NELL2: variants seen among roughly 807,000 people sequenced by gnomAD.
NELL2 encodes neural EGFL like 2, also known as protein kinase C-binding protein NELL2.
In NELL2, 41 loss-of-function variants were observed where a neutral mutation model predicts 109.6. That is an observed-to-expected ratio of 0.37 (90% confidence interval 0.29 to 0.49). The LOEUF (loss-of-function observed/expected upper bound fraction) is 0.49, where lower values mean the gene tolerates loss of function less well. Ranked by LOEUF, NELL2 falls within the 20% of genes least tolerant of loss-of-function variation. NELL2 has a pLI of 0.98. For missense variants in NELL2, 900 were observed against 1,008.3 expected (o/e 0.89, Z 1.45); for synonymous variants, 355 against 344.7 (o/e 1.03, Z -0.33).
At chr12:44,513,102 A>G (rs1346578665) in intron 19 of NELL2, among the ~76,000 whole-genome samples, 4 of 152,008 alleles carry the variant, frequency 2.6e-5, no homozygotes, top group Non-Finnish European at 1.5e-5. Flanking sequence ...TCAACCAAAC[A>G]TAAAAGGAAA....
chr12:44,787,803 T>C (rs1274461217), intron 3 of NELL2, among the ~76,000 whole-genome samples: 1 of 152,066 alleles, frequency 6.6e-6, no homozygotes, highest in African/African-American at 2.4e-5. Flanking sequence ...CATGCAAAAA[T>C]TATCTCAACA....
At chr12:44,824,336 T>G (rs1368740510) in intron 2 of NELL2, among the ~76,000 whole-genome samples, 1 of 152,246 alleles carries the variant, frequency 6.6e-6, no homozygotes, top group Non-Finnish European at 1.5e-5. Context: ...CAAAAATGTA[T>G]GGCCTAGACC....
chr12:44,749,753 A>C (rs943232835), intron 9 of NELL2, among the ~76,000 whole-genome samples: 1 of 152,166 alleles, frequency 6.6e-6, no homozygotes, highest in African/African-American at 2.4e-5. Flanking sequence ...GTGACATGAG[A>C]AGAGAAGAGG....
intron 15 of NELL2, among the ~76,000 whole-genome samples, chr12:44,553,898 T>C (rs931684071): frequency 3.3e-5 from 5 of 152,110 alleles, no homozygotes; most frequent in Non-Finnish European, 7.4e-5. Flanking sequence ...CACGCACACA[T>C]CTGTGCATTT....
chr12:44,513,441 T>C (rs1655232948), intron 19 of NELL2, among the ~76,000 whole-genome samples: 1 of 151,804 alleles, frequency 6.6e-6, no homozygotes, highest in African/African-American at 2.4e-5. Flanking sequence ...AAGCAGTGAA[T>C]GGAAAATGAC....
chr12:44,704,132 T>C (rs1937721215), intron 11 of NELL2, among the ~76,000 whole-genome samples: 1 of 152,044 alleles, frequency 6.6e-6, no homozygotes, highest in Non-Finnish European at 1.5e-5. Context: ...ATTATAACCC[T>C]CCATATATCT....
chr12:44,692,140 ACT>A (rs765235237), intron 12 of NELL2, among the ~76,000 whole-genome samples: 2 of 151,992 alleles, frequency 1.3e-5, no homozygotes, highest in Non-Finnish European at 2.9e-5. Context: ...GGAGAGGTTG[ACT>A]CTCTTGTTAG....
intron 19 of NELL2, 36 bp from the exon 20 acceptor site, chr12:44,509,020 A>G (rs765034594): frequency 6.4e-7 from 1 of 1,560,786 alleles, no homozygotes; most frequent in South Asian, 1.1e-5. Context: ...AAACAGTATG[A>G]ATTTTTAAGC....
At chr12:44,539,546 G>A (rs1383100080) in intron 15 of NELL2, among the ~76,000 whole-genome samples, 1 of 151,858 alleles carries the variant, frequency 6.6e-6, no homozygotes, top group East Asian at 1.9e-4. Flanking sequence ...ATTCCTAAAT[G>A]TTTTATTACT....
chr12:44,701,955 T>C (rs545413361), intron 12 of NELL2, among the ~76,000 whole-genome samples: 1 of 152,254 alleles, frequency 6.6e-6, no homozygotes, highest in Admixed American at 6.5e-5. Context: ...ATTTCCTTCT[T>C]TTGTCCGCTC....
intron 13 of NELL2, among the ~76,000 whole-genome samples, chr12:44,611,445 C>T (rs1945618904): frequency 6.6e-6 from 1 of 152,072 alleles, no homozygotes; most frequent in African/African-American, 2.4e-5. Flanking sequence ...TGCAGCCACA[C>T]TTCCAAGCCT....
intron 15 of NELL2, among the ~76,000 whole-genome samples, chr12:44,596,652 C>G (rs1450560957): frequency 6.6e-6 from 1 of 152,018 alleles, no homozygotes; most frequent in African/African-American, 2.4e-5. Context: ...CCAGGCTGGT[C>G]TTGAACTCCT....
In NELL2 at chr12:44,615,057, T is replaced by C. The variant is rs11182561; in HGVS notation, c.1445-4087A>G. Among the ~76,000 whole-genome samples, 183 of 152,214 alleles carry C rather than the reference T, an allele frequency of 1.2e-3. 3 individuals are homozygous for C. In the East Asian group the frequency reaches 0.026, roughly 22 times the overall value. ...GCCTTCAAAAAGCTTACAGTTTAGT[T>C]GAAGACATAAGTAAAAAAACACAAA... On this transcript the variant is annotated intron_variant, in intron 13 of 19. Coordinates refer to ENST00000429094, the MANE Select transcript of NELL2 (RefSeq NM_001145108.2).
intron 19 of NELL2, among the ~76,000 whole-genome samples, chr12:44,519,589 T>G (rs2138977947): frequency 6.6e-6 from 1 of 152,356 alleles, no homozygotes; most frequent in East Asian, 1.9e-4. Context: ...GAAAATGTAA[T>G]AAATCTACTT....
chr12:44,548,543 TA>T (rs10718866), intron 15 of NELL2, among the ~76,000 whole-genome samples: 116,629 of 139,258 alleles, frequency 0.84, 48,835 homozygotes, highest in East Asian at 0.99. Context: ...AGACTCCGTC[TA>T]AAAAAAAAAA....
At chr12:44,895,868 T>C (rs1945587583) in intron 1 of NELL2, among the ~76,000 whole-genome samples, 1 of 152,176 alleles carries the variant, frequency 6.6e-6, no homozygotes, top group South Asian at 2.1e-4. Flanking sequence ...ATAACTGGAT[T>C]ATATTATCAT....
At chr12:44,850,075 T>G (rs1286606701) in intron 2 of NELL2, among the ~76,000 whole-genome samples, 1 of 152,168 alleles carries the variant, frequency 6.6e-6, no homozygotes, top group Non-Finnish European at 1.5e-5. Context: ...TTGTATACAA[T>G]TATCTAAACT....
intron 2 of NELL2, among the ~76,000 whole-genome samples, chr12:44,849,402 T>C (rs1284503804): frequency 1.3e-5 from 2 of 152,132 alleles, no homozygotes; most frequent in Admixed American, 6.5e-5. Context: ...ATAGAAAATA[T>C]ATAATGATCA....
Position 44,800,748 on chromosome 12 carries a change from G to A in NELL2, c.335+15238C>T, listed in dbSNP as rs535230388. On this transcript the variant is annotated intron_variant, in intron 3 of 19. Transcript: ENST00000429094. ...GGCCAATAAAGCCTGGCCTGTGTAG[G>A]AATTTTCAACAGCTTTATAGGTAAC... is the stretch of plus-strand genomic sequence containing the variant. 2.4e-3 allele frequency among the ~76,000 whole-genome samples: 366 copies of A among 152,266 alleles called. 2 individuals are homozygous for A. The highest frequency in any genetic ancestry group is 4.4e-3 in the Non-Finnish European group (302 of 68,020).
Sources: gnomAD v4.1 joint callset for allele counts (sites outside exome capture counted in the v4.1 genomes callset) on GRCh38, gnomAD v4.1.1 for gene constraint, MANE v1.5 for transcripts, NCBI Gene and HGNC (gene_info 2026-07-23, HGNC 2026-07-21) for gene names.